Variants in ERICH6B observed in about 807,000 individuals in gnomAD.
ERICH6B encodes the protein glutamate-rich protein 6B.
Under a neutral mutation model 80.0 loss-of-function variants are expected in ERICH6B, and 69 were observed. That is an observed-to-expected ratio of 0.86 (90% CI 0.71 to 1.05). The LOEUF is 1.05. Ranked by LOEUF, ERICH6B falls within the 50% of genes least tolerant of loss-of-function variation. ERICH6B has a pLI of 0.00. For missense variants in ERICH6B, 754 were observed against 796.1 expected (o/e 0.95, Z 0.64); for synonymous variants, 283 against 291.9 (o/e 0.97, Z 0.31).
intron 13 of ERICH6B, among the ~76,000 whole-genome samples, chr13:45,546,098 G>T (rs1397776377): frequency 3.9e-5 from 6 of 152,166 alleles, no homozygotes; most frequent in Non-Finnish European, 8.8e-5. Context: ...AATTCCTGTT[G>T]CCCAGCCTTG....
rs142605997 is a variant in ERICH6B at position 45,606,862 on chromosome 13, A to G, written c.-59+702T>C. ...AGCCACTGCACCTCGCCTAAAAAGT[A>G]TATGATTCTGAACATGTTTGCTGCT... is the stretch of plus-strand genomic sequence containing the variant. On this transcript the variant is annotated intron_variant, in intron 2 of 14. Transcript: ENST00000298738. Among the ~76,000 whole-genome samples, 6 of 152,030 alleles carry G rather than the reference A, an allele frequency of 3.9e-5. No individual in the cohort carries two copies. In the East Asian group the frequency reaches 7.8e-4, roughly 20 times the overall value.
At chr13:45,574,499 A>G (rs985554243) in intron 8 of ERICH6B, among the ~76,000 whole-genome samples, 2 of 152,148 alleles carry the variant, frequency 1.3e-5, no homozygotes, top group East Asian at 1.9e-4. Flanking sequence ...GTCTCTCTGC[A>G]GGGTGGTGGT....
At chr13:45,571,209 C>A (rs2404222) in intron 8 of ERICH6B, among the ~76,000 whole-genome samples, 13,478 of 152,140 alleles carry the variant, frequency 0.089, 1,011 homozygotes, top group African/African-American at 0.2. Context: ...CTGTGACATA[C>A]TTTGTCACCT....
chr13:45,587,243 G>C lies in ERICH6B; in HGVS notation c.687-11C>G, dbSNP rs1488479713. 1.3e-6 allele frequency: 2 copies of C among 1,551,334 alleles called. No homozygotes were observed. Among genetic ancestry groups the C allele is most frequent in the East Asian group, 4.9e-5 (2 of 40,908 alleles). On this transcript the variant is annotated splice_polypyrimidine_tract_variant and intron_variant, in intron 4 of 14. Coordinates refer to ENST00000298738, the MANE Select transcript of ERICH6B (RefSeq NM_182542.3). ...CCAGCGTCTGGACTCCTGTCAGAGGGGAGAACAGGAAGGTCAACTTCCAGA... is the reference window on the plus strand; with the variant it reads ...CCAGCGTCTGGACTCCTGTCAGAGGCGAGAACAGGAAGGTCAACTTCCAGA...
intron 3 of ERICH6B, among the ~76,000 whole-genome samples, chr13:45,594,445 C>T (rs545653502): frequency 1.3e-5 from 2 of 152,316 alleles, no homozygotes; most frequent in East Asian, 3.9e-4. Context: ...ATGCTTGATT[C>T]ATACCGTGCA....
intron 2 of ERICH6B, among the ~76,000 whole-genome samples, chr13:45,605,784 A>G (rs1949856300): frequency 6.6e-6 from 1 of 152,220 alleles, no homozygotes; most frequent in Admixed American, 6.5e-5. Context: ...GGAGAAGAGG[A>G]GGAGGGAGAA....
Position 45,596,793 on chromosome 13 carries a change from TTCCTCTTCCAGA to T in ERICH6B, c.201_212del (p.Asp67_Glu70del), listed in dbSNP as rs770978382. ...AGTATTCTTCTTTCCCCAGATACTC[TTCCTCTTCCAGA>T]TCCTCTTCCTCCTCCAGATACTCTT... On this transcript the variant is annotated inframe_deletion, in exon 3 of 15. Coordinates refer to ENST00000298738, the MANE Select transcript of ERICH6B (RefSeq NM_182542.3). The T allele has an allele frequency of 3.9e-6, 6 of 1,551,786 alleles. No individual in the cohort carries two copies. In the South Asian group the frequency reaches 7.1e-5, roughly 18 times the overall value.
intron 13 of ERICH6B, among the ~76,000 whole-genome samples, chr13:45,549,439 C>T (rs1178368496): frequency 6.6e-6 from 1 of 152,062 alleles, no homozygotes; most frequent in African/African-American, 2.4e-5. Flanking sequence ...GGTTTTCCAC[C>T]ATTACCAGAA....
intron 11 of ERICH6B, among the ~76,000 whole-genome samples, chr13:45,556,881 G>T (rs1874465242): frequency 6.6e-6 from 1 of 152,082 alleles, no homozygotes; most frequent in Admixed American, 6.5e-5. Flanking sequence ...ATTGTGAATT[G>T]TGCTGCTATG....
chr13:45,614,816 A>G (rs1298158293), intron 1 of ERICH6B, among the ~76,000 whole-genome samples: 2 of 152,248 alleles, frequency 1.3e-5, no homozygotes, highest in African/African-American at 4.8e-5. Flanking sequence ...TCTTGGCTGA[A>G]GTCTGCTGCT....
At chr13:45,567,844 C>T (rs932821532) in intron 9 of ERICH6B, among the ~76,000 whole-genome samples, 2 of 152,220 alleles carry the variant, frequency 1.3e-5, no homozygotes, top group African/African-American at 4.8e-5. Flanking sequence ...GCTCAAGGCT[C>T]TCCCTCCTTC....
In ERICH6B at chr13:45,561,241, C is replaced by A. The variant is rs1000303010; in HGVS notation, c.1407+128G>T. 4 of 930,536 alleles carry A rather than the reference C, an allele frequency of 4.3e-6. No homozygotes were observed. In the Admixed American group the frequency reaches 1.2e-4, roughly 28 times the overall value. The allele number at this position is 930,536 out of a possible 1,614,324, so 57.6% of individuals were successfully genotyped here. A position where few individuals can be genotyped will look rare whatever the true frequency, so the allele number is the denominator to read the frequency against. On this transcript the variant is annotated intron_variant, in intron 11 of 14. Coordinates refer to ENST00000298738, the MANE Select transcript of ERICH6B (RefSeq NM_182542.3). ...ACACACTCAGGTGTACCTCTGATATCTTGGATGCATTTTTGTGTTTACATT... is the reference window on the plus strand; with the variant it reads ...ACACACTCAGGTGTACCTCTGATATATTGGATGCATTTTTGTGTTTACATT...
intron 1 of ERICH6B, among the ~76,000 whole-genome samples, chr13:45,611,412 A>G (rs1949899125): frequency 1.3e-5 from 2 of 152,354 alleles, no homozygotes; most frequent in Middle Eastern, 6.8e-3. Context: ...TTGTATCTAT[A>G]TAAGATTAAA....
intron 5 of ERICH6B, among the ~76,000 whole-genome samples, chr13:45,585,705 T>C (rs1875870326): frequency 6.6e-6 from 1 of 152,228 alleles, no homozygotes; most frequent in Admixed American, 6.5e-5. Flanking sequence ...GTCAGACTTT[T>C]ACTAAACACT....
At position 45,575,001 on chromosome 13, in the gene ERICH6B, A is replaced by G. The variant is rs1593789112; in HGVS notation, c.962-71T>C. 7 of 1,007,184 alleles carry G rather than the reference A, an allele frequency of 7.0e-6. No individual in the cohort carries two copies. In the South Asian group the frequency reaches 8.8e-5, roughly 13 times the overall value. 62.4% of individuals were successfully genotyped at this position (1,007,184 alleles called of 1,614,324 possible). On this transcript the variant is annotated intron_variant, in intron 7 of 14. Coordinates refer to ENST00000298738, the MANE Select transcript of ERICH6B (RefSeq NM_182542.3). ...AAAACCAAAAACATAAAAAATTTAA[A>G]AAGAATAGAAATAGATTGATGGTAT...
intron 2 of ERICH6B, among the ~76,000 whole-genome samples, chr13:45,601,462 C>T (rs1001038085): frequency 2.2e-4 from 33 of 152,138 alleles, no homozygotes; most frequent in African/African-American, 6.8e-4. Flanking sequence ...GCCAGTCTGT[C>T]CAGCCCTCCC....
At chr13:45,610,969 A>G (rs537412177) in intron 1 of ERICH6B, among the ~76,000 whole-genome samples, 1 of 152,158 alleles carries the variant, frequency 6.6e-6, no homozygotes, top group Non-Finnish European at 1.5e-5. Flanking sequence ...ACAAATAGTT[A>G]CTTTATATGA....
intron 14 of ERICH6B, among the ~76,000 whole-genome samples, chr13:45,544,368 A>C (rs1438505981): frequency 2.0e-5 from 3 of 152,098 alleles, no homozygotes; most frequent in African/African-American, 7.2e-5. Flanking sequence ...AGCCACCGCA[A>C]CTGGCCTACA....
chr13:45,550,995 T>A (rs988028692), intron 11 of ERICH6B, among the ~76,000 whole-genome samples: 9 of 152,204 alleles, frequency 5.9e-5, no homozygotes, highest in Non-Finnish European at 1.3e-4. Flanking sequence ...ATTCAACCCA[T>A]AACATTGGTA....
Sources: allele counts gnomAD v4.1 joint callset (sites outside exome capture counted in the v4.1 genomes callset), GRCh38; gene constraint gnomAD v4.1.1; transcripts MANE v1.5; gene names NCBI Gene and HGNC (gene_info 2026-07-23, HGNC 2026-07-21).